The following PLEKHM2 variants were observed in gnomAD, a reference collection of about 807,000 sequenced individuals.
PLEKHM2 encodes the protein pleckstrin homology domain-containing family M member 2.
Under a neutral mutation model 116.3 loss-of-function variants are expected in PLEKHM2, and 77 were observed. The ratio of observed to expected loss-of-function variants is 0.66; its 90% CI spans 0.55 to 0.80. The LOEUF is 0.80. Ranked by LOEUF, PLEKHM2 falls within the 30% of genes least tolerant of loss-of-function variation. The pLI is 0.00. For synonymous variants in PLEKHM2, 562 were observed against 571.0 expected (o/e 0.98, Z 0.22); for missense variants, 1,183 against 1,354.9 (o/e 0.87, Z 1.99).
rs753220032 is a variant in PLEKHM2 at position 15,733,925 on chromosome 1, C to T, written c.3051C>T (p.Pro1017=). The T allele has an allele frequency of 5.0e-6, 8 of 1,611,974 alleles. No individual in the cohort carries two copies. In the Admixed American group the frequency reaches 5.0e-5, roughly 10 times the overall value. The change falls in exon 20 of 20, where the codon CCC becomes CCT. Residue 1017 remains proline, a synonymous_variant. Transcript: ENST00000375799. ...GCCGCGGCCGAGCCTCCCGAGACCC[C>T]TGGTGCTGAGGCAGAGCTGGTTGGC... The part of the protein sequence containing the change: ...SLCRGRASRD[P]WC
In PLEKHM2 at chr1:15,693,265, T is replaced by C. The variant is rs1279822008; in HGVS notation, c.60+8647T>C. Among the ~76,000 whole-genome samples, 3 of 152,168 alleles carry C rather than the reference T, an allele frequency of 2.0e-5. 1 individual carries two copies. The highest frequency in any genetic ancestry group is 4.4e-5 in the Non-Finnish European group (3 of 68,040). On this transcript the variant is annotated intron_variant, in intron 1 of 19. Coordinates refer to ENST00000375799, the MANE Select transcript of PLEKHM2 (RefSeq NM_015164.4). ...CATGTTGGTCAGGCTGGTCTTGAAC[T>C]CCTGGTCTCAAGTGATCCGCCCGCC...
At chr1:15,684,672 C>T in intron 1 of PLEKHM2, 54 bp downstream of exon 1, 1 of 1,075,636 alleles carries the variant, frequency 9.3e-7, no homozygotes, top group Admixed American at 4.6e-5. Context: ...GCCCCCCACG[C>T]CCTCCGGCGG....
At chr1:15,712,917 C>T (rs1030720213) in intron 1 of PLEKHM2, among the ~76,000 whole-genome samples, 2 of 152,184 alleles carry the variant, frequency 1.3e-5, no homozygotes, top group African/African-American at 4.8e-5. Flanking sequence ...TCTCCTGCCT[C>T]AGCCTCCCAA....
chr1:15,728,589 G>A lies in PLEKHM2; in HGVS notation c.1922-80G>A, dbSNP rs2068097600. ...GCAAGGAGAGGCCCTCTAAGAGAGG[G>A]GGCTGTGTCTAAGAAAATGGGGCAG... On this transcript the variant is annotated intron_variant, in intron 11 of 19. Transcript: ENST00000375799. This position sits in a 1 kb window ranked among gnomAD's most constrained non-coding sequence, Gnocchi z 5.9. 6.2e-6 allele frequency: 8 copies of A among 1,286,508 alleles called. No homozygotes were observed. The South Asian group carries it at 1.0e-4, about 16-fold the overall frequency. The allele number at this position is 1,286,508 out of a possible 1,614,324, so 79.7% of individuals were successfully genotyped here.
At chr1:15,707,921 G>A (rs1641257051) in intron 1 of PLEKHM2, among the ~76,000 whole-genome samples, 1 of 152,162 alleles carries the variant, frequency 6.6e-6, no homozygotes, top group Non-Finnish European at 1.5e-5. Flanking sequence ...TCTCGCTCTT[G>A]TCGCCTAGGC....
chr1:15,690,825 A>G (rs973862780), intron 1 of PLEKHM2, among the ~76,000 whole-genome samples: 2 of 152,222 alleles, frequency 1.3e-5, no homozygotes, highest in African/African-American at 4.8e-5. Context: ...GTTCATATGA[A>G]CAGGCAGATG....
chr1:15,727,199 G>A lies in PLEKHM2; in HGVS notation c.1127G>A (p.Gly376Glu), dbSNP rs770090374. 25 of 1,606,592 alleles carry A rather than the reference G, an allele frequency of 1.6e-5. No homozygotes were observed. The South Asian group carries it at 2.6e-4, about 16-fold the overall frequency. The change falls in exon 9 of 20, where the codon GGA (glycine) becomes GAA (glutamate). Residue 376 changes from glycine (G) to glutamate (E), a missense_variant. By Grantham distance (98) the Gly-to-Glu change is moderately conservative (BLOSUM62 -2). Around this residue, in one of 3 missense-constraint regions of PLEKHM2, gnomAD observed 372 missense variants for 357.2 expected, o/e 1.04. Coordinates refer to ENST00000375799, the MANE Select transcript of PLEKHM2 (RefSeq NM_015164.4). The surrounding 1 kb of genome is among the most constrained non-coding windows in gnomAD (Gnocchi z 7.5). ...ATGCTTGCCTCCCCCCAGGAGGAGGGAGAGGGGCCGAGCAGCACCACGGAG... is the reference window on the plus strand; with the variant it reads ...ATGCTTGCCTCCCCCCAGGAGGAGGAAGAGGGGCCGAGCAGCACCACGGAG... ...DTMLASPQEE[G>E]EGPSSTTESS... is the part of the protein sequence containing the mutation.
rs940921687 is a variant in PLEKHM2, at chr1:15,728,495, G to T, written c.1921+138G>T. ...GGAAAGGCACCCCAAGGAAGGTGTT[G>T]CCAGCAGCCCTGAGACGTGAGCCTG... is the stretch of plus-strand genomic sequence containing the variant. On this transcript the variant is annotated intron_variant, in intron 11 of 19. Transcript: ENST00000375799. This position sits in a 1 kb window ranked among gnomAD's most constrained non-coding sequence, Gnocchi z 5.9. 6 of 989,630 alleles carry T rather than the reference G, an allele frequency of 6.1e-6. No individual in the cohort carries two copies. The highest frequency in any genetic ancestry group is 9.1e-6 in the Non-Finnish European group (6 of 661,372). 61.3% of individuals were successfully genotyped at this position (989,630 alleles called of 1,614,324 possible). A position where few individuals can be genotyped will look rare whatever the true frequency, so the allele number is the denominator to read the frequency against.
intron 1 of PLEKHM2, among the ~76,000 whole-genome samples, chr1:15,702,133 G>C (rs544739420): frequency 1.6e-4 from 25 of 152,292 alleles, no homozygotes; most frequent in African/African-American, 5.8e-4. Context: ...GAGACCAGAG[G>C]GGCAGTTTGC....
At chr1:15,733,343 T>TG (rs916007799) in intron 19 of PLEKHM2, among the ~76,000 whole-genome samples, 9 of 152,214 alleles carry the variant, frequency 5.9e-5, no homozygotes, top group Admixed American at 5.2e-4. Flanking sequence ...TGTGCTCAGA[T>TG]GGGGGGACAC....
At chr1:15,731,673 A>G (rs879446788) in intron 16 of PLEKHM2, among the ~76,000 whole-genome samples, 2 of 152,114 alleles carry the variant, frequency 1.3e-5, no homozygotes, top group Admixed American at 1.3e-4. Context: ...GATCTTGGGC[A>G]TCCTGGAGGT....
At chr1:15,711,831 T>C (rs7516540) in intron 1 of PLEKHM2, among the ~76,000 whole-genome samples, 33,969 of 151,722 alleles carry the variant, frequency 0.22, 4,336 homozygotes, top group African/African-American at 0.34. Flanking sequence ...TAAAGAGCTG[T>C]AACATGGCTG....
At chr1:15,681,537 T>G (rs769788683), upstream of PLEKHM2, 1 of 472,476 alleles carries the variant, frequency 2.1e-6, no homozygotes, top group South Asian at 1.5e-5. Context: ...GAAGATGGCC[T>G]GCTATTCAAC....
chr1:15,686,046 A>G (rs1348470668), intron 1 of PLEKHM2, among the ~76,000 whole-genome samples: 5 of 152,216 alleles, frequency 3.3e-5, no homozygotes, highest in Non-Finnish European at 5.9e-5. Flanking sequence ...GATTTCAAAC[A>G]AATGAATGGA....
At chr1:15,706,899 C>A (rs1230697401) in intron 1 of PLEKHM2, among the ~76,000 whole-genome samples, 1 of 152,182 alleles carries the variant, frequency 6.6e-6, no homozygotes. Flanking sequence ...TGACCCTTCA[C>A]GGCTTGAGCC....
At chr1:15,706,605 C>T (rs1330246693) in intron 1 of PLEKHM2, among the ~76,000 whole-genome samples, 1 of 152,064 alleles carries the variant, frequency 6.6e-6, no homozygotes, top group Non-Finnish European at 1.5e-5. Flanking sequence ...CGGGGTTTCA[C>T]CACGTTGGTC....
chr1:15,694,726 T>A (rs1640957364), intron 1 of PLEKHM2, among the ~76,000 whole-genome samples: 1 of 152,016 alleles, frequency 6.6e-6, no homozygotes, highest in African/African-American at 2.4e-5. Flanking sequence ...TCTACACAGA[T>A]ATTCTCCTCC....
chr1:15,709,503 G>A lies in PLEKHM2; in HGVS notation c.61-6734G>A, dbSNP rs567592746. On this transcript the variant is annotated intron_variant, in intron 1 of 19. Coordinates refer to ENST00000375799, the MANE Select transcript of PLEKHM2 (RefSeq NM_015164.4). ...TAGCCACATGTGGCTAGTGACTACT[G>A]TATTGGACAGCTCAGGTCTAAATAG... 3.3e-5 allele frequency among the ~76,000 whole-genome samples: 5 copies of A among 152,234 alleles called. No homozygotes were observed. The South Asian group carries it at 1.0e-3, about 32-fold the overall frequency.
chr1:15,734,002 C>G lies in PLEKHM2; in HGVS notation c.*68C>G. ...ACGCCAGCCGGCAGGCACACTGTCACGGCTGTTGTCATGCTGTCGGGAGCC... is the reference window on the plus strand; with the variant it reads ...ACGCCAGCCGGCAGGCACACTGTCAGGGCTGTTGTCATGCTGTCGGGAGCC... On this transcript the variant is annotated 3_prime_UTR_variant, in exon 20 of 20. Transcript: ENST00000375799. The G allele has an allele frequency of 6.6e-7, 1 of 1,521,594 alleles. No individual in the cohort carries two copies. Among genetic ancestry groups the G allele is most frequent in the South Asian group, 1.2e-5 (1 of 81,798 alleles). The allele number at this position is 1,521,594 out of a possible 1,614,324, so 94.3% of individuals were successfully genotyped here.
Sources: allele counts gnomAD v4.1 joint callset (sites outside exome capture counted in the v4.1 genomes callset), GRCh38; gene constraint gnomAD v4.1.1; regional missense constraint gnomAD v4.1.1; non-coding constraint Gnocchi (gnomAD v3.1); transcripts MANE v1.5; gene names NCBI Gene and HGNC (gene_info 2026-07-23, HGNC 2026-07-21).